CD6: variants seen among roughly 807,000 people sequenced by gnomAD.
CD6 encodes the protein T-cell differentiation antigen CD6.
CD6 carries 53 observed loss-of-function variants against 75.3 expected under a neutral mutation model. The ratio of observed to expected loss-of-function variants is 0.70; its 90% CI spans 0.56 to 0.88. The LOEUF is 0.88. CD6 is among the 40% of genes least tolerant of loss of function. The pLI is 0.00. For synonymous variants in CD6, 359 were observed against 381.5 expected, an observed-to-expected ratio of 0.94 and a Z score of 0.69; for missense variants, 770 against 897.1, an observed-to-expected ratio of 0.86 and a Z score of 1.81.
chr11:61,020,150 T>C lies in CD6; in HGVS notation c.*832T>C, dbSNP rs571696953. 3 of 398,436 alleles carry C rather than the reference T, an allele frequency of 7.5e-6. No individual in the cohort carries two copies. Among genetic ancestry groups the C allele is most frequent in the African/African-American group, 6.2e-5 (3 of 48,680 alleles). 24.7% of individuals were successfully genotyped at this position (398,436 alleles called of 1,614,324 possible). A position where few individuals can be genotyped will look rare whatever the true frequency, so the allele number is the denominator to read the frequency against. On this transcript the variant is annotated 3_prime_UTR_variant, in exon 13 of 13. Transcript: ENST00000313421. ...CCAGTCTCCATGGGGGCAAGGAGCA[T>C]AGAGATGTTTTCCAGGAAGGGGCTC...
intron 1 of CD6, among the ~76,000 whole-genome samples, chr11:60,986,812 CTGAG>C (rs1199508853): frequency 8.5e-5 from 13 of 152,184 alleles, no homozygotes; most frequent in Non-Finnish European, 1.9e-4. Context: ...CTGCAACAAA[CTGAG>C]TGGCCAGGGC....
rs1446434764 is a variant in CD6, at chr11:61,006,591, C to A, written c.67C>A (p.Pro23Thr). Reference protein sequence around the residue: ...AALSGHPSPAPPDQLNTSSAE... With the variant: ...AALSGHPSPATPDQLNTSSAE... ...CATTTCAGGTCATCCATCTCCAGCC[C>A]CACCTGACCAGCTCAACACCAGCAG... The change falls in exon 2 of 13, where the codon CCA becomes ACA. Residue 23 changes from proline to threonine, a missense_variant. Pro to Thr is a conservative substitution (Grantham distance 38). Coordinates refer to ENST00000313421, the MANE Select transcript of CD6 (RefSeq NM_006725.5). The A allele has an allele frequency of 3.1e-6, 5 of 1,609,168 alleles. No homozygotes were observed. Among genetic ancestry groups the A allele is most frequent in the Non-Finnish European group, 4.2e-6 (5 of 1,178,022 alleles).
rs138725929 is a variant in CD6 at position 61,013,733 on chromosome 11, G to A, written c.1291+170G>A. Among the ~76,000 whole-genome samples the A allele has an allele frequency of 1.4e-3, 215 of 152,236 alleles. 2 individuals carry two copies. Among genetic ancestry groups the A allele is most frequent in the African/African-American group, 4.6e-3 (193 of 41,548 alleles). ...GCCCAGCAGTCATGGACGCACCAGC[G>A]GGGAGAACCAGACTGTGCATGTGTG... On this transcript the variant is annotated intron_variant, in intron 7 of 12. Transcript: ENST00000313421.
Position 61,007,832 on chromosome 11 carries a change from G to A in CD6, c.391G>A (p.Gly131Ser), listed in dbSNP as rs1858943273. Residue 131 changes from glycine (G) to serine (S), a missense_variant, in exon 3 of 13, where the codon GGC becomes AGC. Transcript: ENST00000313421. This position sits in a 1 kb window ranked among gnomAD's most constrained non-coding sequence, Gnocchi z 4.2. ...LAGAPALLCS[G>S]AEWRLCEVVE... The stretch of plus-strand genomic sequence containing the variant: ...CGGGGCGCCCGCCCTCCTGTGCAGC[G>A]GCGCCGAGTGGCGGCTCTGCGAGGT... The A allele has an allele frequency of 2.1e-6, 3 of 1,432,498 alleles. No individual in the cohort carries two copies. Among genetic ancestry groups the A allele is most frequent in the African/African-American group, 3.0e-5 (2 of 67,186 alleles). 88.7% of individuals were successfully genotyped at this position (1,432,498 alleles called of 1,614,324 possible).
chr11:61,009,914 A>G, intron 5 of CD6, 40 bp downstream of exon 5: 2 of 1,513,676 alleles, frequency 1.3e-6, no homozygotes, highest in Non-Finnish European at 1.8e-6. Flanking sequence ...TTGAGCCAGA[A>G]TTCTACCTGA....
intron 6 of CD6, among the ~76,000 whole-genome samples, chr11:61,012,389 A>G (rs1240620866): frequency 1.3e-5 from 2 of 152,168 alleles, no homozygotes; most frequent in African/African-American, 2.4e-5. Flanking sequence ...GGGTCTCCCC[A>G]TGGCCGCAAC....
At chr11:61,012,527 A>G (rs571640367) in intron 6 of CD6, among the ~76,000 whole-genome samples, 1 of 152,254 alleles carries the variant, frequency 6.6e-6, no homozygotes, top group African/African-American at 2.4e-5. Flanking sequence ...AAATGAAGAC[A>G]GGGAGAGGGT....
At chr11:61,017,400 G>T in intron 9 of CD6, 79 bp from the exon 10 acceptor site, 1 of 1,179,034 alleles carries the variant, frequency 8.5e-7, no homozygotes, top group South Asian at 1.3e-5. Flanking sequence ...CCAGGCCCCG[G>T]GAAATCCAGC....
chr11:61,019,570 CCT>C lies in CD6; in HGVS notation c.*255_*256del. The C allele has an allele frequency of 2.5e-6, 1 of 403,142 alleles. No individual in the cohort carries two copies. Among genetic ancestry groups the C allele is most frequent in the Non-Finnish European group, 4.4e-6 (1 of 226,932 alleles). 25.0% of individuals were successfully genotyped at this position (403,142 alleles called of 1,614,324 possible). On this transcript the variant is annotated 3_prime_UTR_variant, in exon 13 of 13. Transcript: ENST00000313421. ...GATGCTGCCTCCAAGAGGTGTGAGC[CCT>C]CTGTCTCGGGGATGAACAAGCAGAG... is the stretch of plus-strand genomic sequence containing the variant.
At position 61,007,542 on chromosome 11, in the gene CD6, C is replaced by G; in HGVS notation, c.119-18C>G. The G allele has an allele frequency of 1.4e-6, 2 of 1,459,488 alleles. No individual in the cohort carries two copies. The highest frequency in any genetic ancestry group is 1.8e-6 in the Non-Finnish European group (2 of 1,104,730). The allele number at this position is 1,459,488 out of a possible 1,614,324, so 90.4% of individuals were successfully genotyped here. On this transcript the variant is annotated intron_variant, in intron 2 of 12. Coordinates refer to ENST00000313421, the MANE Select transcript of CD6 (RefSeq NM_006725.5). The surrounding 1 kb of genome is among the most constrained non-coding windows in gnomAD (Gnocchi z 4.2). The stretch of plus-strand genomic sequence containing the variant: ...CCCAGGCCCCACCGGTCTCAGCTCT[C>G]TGGTCTGACACTTCCAGGGGAGCGG...
intron 1 of CD6, among the ~76,000 whole-genome samples, chr11:61,002,282 G>C (rs1050623181): frequency 6.6e-6 from 1 of 152,198 alleles, no homozygotes; most frequent in Non-Finnish European, 1.5e-5. Context: ...ACTGGGTGCG[G>C]TGGCTCACAC....
rs564206466 is a variant in CD6, at chr11:60,972,997, G to C, written c.49+1083G>C. ...AGCTTTGCCCTGCTAACTCTACCAG[G>C]AGTTTCTGGAGCAGCAGCTCTGGAA... On this transcript the variant is annotated intron_variant, in intron 1 of 12. Coordinates refer to ENST00000313421, the MANE Select transcript of CD6 (RefSeq NM_006725.5). Among the ~76,000 whole-genome samples, 145 of 152,322 alleles carry C rather than the reference G, an allele frequency of 9.5e-4. 4 individuals are homozygous for C. The Middle Eastern group carries it at 0.014, about 14-fold the overall frequency.
chr11:60,973,417 G>C (rs1857262717), intron 1 of CD6, among the ~76,000 whole-genome samples: 1 of 152,182 alleles, frequency 6.6e-6, no homozygotes, highest in Admixed American at 6.5e-5. Flanking sequence ...CTCCTTCCCA[G>C]TACTGTCATC....
rs77890358 is a variant in CD6, at chr11:60,980,030, C to G, written c.49+8116C>G. Among the ~76,000 whole-genome samples the G allele has an allele frequency of 3.3e-5, 5 of 152,274 alleles. No homozygotes were observed. In the East Asian group the frequency reaches 5.8e-4, roughly 18 times the overall value. On this transcript the variant is annotated intron_variant, in intron 1 of 12. Transcript: ENST00000313421. ...CCCTGACAACACCAGGACAATCACC[C>G]CTTTTTTATGGGTGGAGAAACTGAG...
chr11:60,986,202 A>C (rs538085122), intron 1 of CD6, among the ~76,000 whole-genome samples: 1 of 152,354 alleles, frequency 6.6e-6, no homozygotes, highest in East Asian at 1.9e-4. Context: ...CCACATTAGA[A>C]GGAATGCAAA....
chr11:61,018,613 T>G (rs902438982), intron 12 of CD6: 3 of 529,848 alleles, frequency 5.7e-6, no homozygotes, highest in Admixed American at 3.1e-5. Context: ...AGGCCAGGAA[T>G]TTACGACTAG....
rs2134968903 is a variant in CD6, at chr11:60,971,759, T to C, written c.-107T>C. 1 of 1,068,436 alleles carries C rather than the reference T, an allele frequency of 9.4e-7. No individual in the cohort carries two copies. Among genetic ancestry groups the C allele is most frequent in the South Asian group, 1.3e-5 (1 of 75,216 alleles). The allele number at this position is 1,068,436 out of a possible 1,614,324, so 66.2% of individuals were successfully genotyped here. A position where few individuals can be genotyped will look rare whatever the true frequency, so the allele number is the denominator to read the frequency against. ...ACACAGGAACAAGAACAGCAAAGGG[T>C]AGAGCAGACCTGCGCCAGGGGCGCA... is the stretch of plus-strand genomic sequence containing the variant. On this transcript the variant is annotated 5_prime_UTR_variant, in exon 1 of 13. Transcript: ENST00000313421.
chr11:61,017,543 G>A lies in CD6; in HGVS notation c.1575G>A (p.Leu525=). The change falls in exon 10 of 13, where the codon TTG becomes TTA. Residue 525 remains leucine, a synonymous_variant. Coordinates refer to ENST00000313421, the MANE Select transcript of CD6 (RefSeq NM_006725.5). The part of the protein sequence containing the change: ...VQQSRFQMPP[L]EEGLEELHAS... ...AAAGCAGGTTCCAGATGCCACCCTT[G>A]GAGGAAGGTGAGTCAGGATGGGAAG... is the stretch of plus-strand genomic sequence containing the variant. The A allele has an allele frequency of 2.6e-6, 4 of 1,555,804 alleles. No homozygotes were observed. Among genetic ancestry groups the A allele is most frequent in the Non-Finnish European group, 8.7e-7 (1 of 1,149,264 alleles).
In CD6 at chr11:61,019,944, A is replaced by AC. The variant is rs2134521053; in HGVS notation, c.*631dup. 2.5e-6 allele frequency: 1 copy of AC among 393,182 alleles called. No homozygotes were observed. Among genetic ancestry groups the AC allele is most frequent in the African/African-American group, 2.1e-5 (1 of 48,598 alleles). The allele number at this position is 393,182 out of a possible 1,614,324, so 24.4% of individuals were successfully genotyped here. A position where few individuals can be genotyped will look rare whatever the true frequency, so the allele number is the denominator to read the frequency against. On this transcript the variant is annotated 3_prime_UTR_variant, in exon 13 of 13. Coordinates refer to ENST00000313421, the MANE Select transcript of CD6 (RefSeq NM_006725.5). ...GCTGACAATGACAGGTTGACTGTGT[A>AC]CCCCCAACCAAGGAGCTGGGGCCCA...
Sources: allele counts gnomAD v4.1 joint callset (sites outside exome capture counted in the v4.1 genomes callset), GRCh38; gene constraint gnomAD v4.1.1; non-coding constraint Gnocchi (gnomAD v3.1); transcripts MANE v1.5; gene names NCBI Gene and HGNC (gene_info 2026-07-23, HGNC 2026-07-21).